The following ARMC2 variants were observed in gnomAD, a reference collection of about 807,000 sequenced individuals.
The protein encoded by ARMC2 is armadillo repeat-containing protein 2.
ARMC2 carries 67 observed loss-of-function variants against 90.3 expected under a neutral mutation model. The ratio of observed to expected loss-of-function variants is 0.74; its 90% CI spans 0.61 to 0.91. The LOEUF is 0.91. Ranked by LOEUF, ARMC2 falls within the 40% of genes least tolerant of loss-of-function variation. The pLI is 0.00. For synonymous variants in ARMC2, 393 were observed against 393.0 expected (o/e 1.00, Z 0.00); for missense variants, 920 against 1,030.9 (o/e 0.89, Z 1.47).
Position 108,912,281 on chromosome 6 carries a change from A to G in ARMC2, c.1127-54A>G, listed in dbSNP as rs1240490356. Reference sequence around the variant, plus strand: ...TGTTCACACACAAGTGCTTTAATATATTTCTCTCCAGCTGTTATACTCAGA... The same window carrying G: ...TGTTCACACACAAGTGCTTTAATATGTTTCTCTCCAGCTGTTATACTCAGA... On this transcript the variant is annotated intron_variant, in intron 9 of 17. Transcript: ENST00000392644. The G allele has an allele frequency of 1.2e-5, 15 of 1,303,276 alleles. No homozygotes were observed. In the East Asian group the frequency reaches 2.8e-4, roughly 24 times the overall value. The allele number at this position is 1,303,276 out of a possible 1,614,324, so 80.7% of individuals were successfully genotyped here.
At chr6:108,949,918 A>C (rs1402579572) in intron 12 of ARMC2, among the ~76,000 whole-genome samples, 1 of 152,158 alleles carries the variant, frequency 6.6e-6, no homozygotes, top group Non-Finnish European at 1.5e-5. Flanking sequence ...CTTCAAACTA[A>C]AAACAGGCCG....
chr6:108,908,079 C>G (rs958456023), intron 8 of ARMC2, among the ~76,000 whole-genome samples: 2 of 152,174 alleles, frequency 1.3e-5, no homozygotes, highest in African/African-American at 4.8e-5. Context: ...TCCCAGACTT[C>G]ACTGTGCACA....
intron 11 of ARMC2, among the ~76,000 whole-genome samples, chr6:108,932,299 T>C (rs1775620557): frequency 6.6e-6 from 1 of 151,840 alleles, no homozygotes; most frequent in East Asian, 1.9e-4. Flanking sequence ...GTCTTTGTCA[T>C]GAAATCTTTG....
chr6:108,905,555 A>G (rs1772600695), intron 8 of ARMC2, among the ~76,000 whole-genome samples: 1 of 151,998 alleles, frequency 6.6e-6, no homozygotes, highest in Non-Finnish European at 1.5e-5. Context: ...AAAAAAAGAA[A>G]GAAAGAGCAA....
At chr6:108,887,233 A>C (rs1393415340) in intron 5 of ARMC2, among the ~76,000 whole-genome samples, 1 of 152,070 alleles carries the variant, frequency 6.6e-6, no homozygotes, top group African/African-American at 2.4e-5. Flanking sequence ...ATTTTTAAAG[A>C]AATATACTTG....
At chr6:108,858,344 C>T (rs1239843721) in intron 3 of ARMC2, 73 bp downstream of exon 3, 2 of 1,125,928 alleles carry the variant, frequency 1.8e-6, no homozygotes, top group African/African-American at 1.5e-5. Flanking sequence ...CACTTGGAAT[C>T]AGTACTTATA....
At chr6:108,954,647 A>G (rs1372906423) in intron 13 of ARMC2, among the ~76,000 whole-genome samples, 1 of 152,154 alleles carries the variant, frequency 6.6e-6, no homozygotes, top group Non-Finnish European at 1.5e-5. Context: ...AGCTACTACT[A>G]ACCATACTTG....
chr6:108,978,612 A>G (rs1208413764), downstream of ARMC2, among the ~76,000 whole-genome samples: 3 of 152,168 alleles, frequency 2.0e-5, no homozygotes, highest in Non-Finnish European at 4.4e-5. Flanking sequence ...GTCTCTGACT[A>G]TTATAGTGTG....
At chr6:108,970,121 A>G (rs917564035) in intron 17 of ARMC2, among the ~76,000 whole-genome samples, 1 of 152,126 alleles carries the variant, frequency 6.6e-6, no homozygotes, top group Non-Finnish European at 1.5e-5. Flanking sequence ...AAAATTTAAT[A>G]CCCCATGTGA....
At chr6:108,946,234 G>C (rs1401538154) in intron 12 of ARMC2, among the ~76,000 whole-genome samples, 1 of 152,194 alleles carries the variant, frequency 6.6e-6, no homozygotes, top group Non-Finnish European at 1.5e-5. Context: ...TTCTAGCATT[G>C]GCCTGGTACT....
chr6:108,885,464 T>G (rs1340457485), intron 5 of ARMC2, among the ~76,000 whole-genome samples: 1 of 152,120 alleles, frequency 6.6e-6, no homozygotes, highest in African/African-American at 2.4e-5. Flanking sequence ...CTCAGCACTT[T>G]GGGAGGCCGA....
chr6:109,021,033 CT>C, the ARMC2 span, among the ~76,000 whole-genome samples: 1 of 152,140 alleles, frequency 6.6e-6, no homozygotes, highest in African/African-American at 2.4e-5. Context: ...GGATTTTGCT[CT>C]GTTACCCAGG....
At chr6:108,907,948 A>G in intron 8 of ARMC2, 1 of 1,255,604 alleles carries the variant, frequency 8.0e-7, no homozygotes, top group Non-Finnish European at 1.1e-6. Flanking sequence ...AAACAATATT[A>G]TTTTAAATAC....
intron 5 of ARMC2, among the ~76,000 whole-genome samples, chr6:108,879,429 A>G (rs1036273839): frequency 6.7e-6 from 1 of 149,310 alleles, no homozygotes; most frequent in African/African-American, 2.5e-5. Flanking sequence ...CCACCCATCC[A>G]CCTATCCATG....
At chr6:109,032,726 G>A in the ARMC2 span, among the ~76,000 whole-genome samples, 6 of 152,106 alleles carry the variant, frequency 3.9e-5, no homozygotes, top group South Asian at 1.2e-3. Flanking sequence ...CTCAGTGAAG[G>A]AGATATTCCA....
chr6:109,006,446 C>T, the ARMC2 span, among the ~76,000 whole-genome samples: 2 of 138,376 alleles, frequency 1.4e-5, no homozygotes, highest in East Asian at 2.6e-4. Context: ...TATCCCTCCC[C>T]CCACCCCCTA....
In ARMC2 at chr6:108,925,016, A is replaced by G. The variant is rs17070028; in HGVS notation, c.1351-3072A>G. ...AGAAATGAGATAGGCTAGAGAACAA[A>G]TACACAGAGGCTGGTCCCCTTCCAG... On this transcript the variant is annotated intron_variant, in intron 10 of 17. Coordinates refer to ENST00000392644, the MANE Select transcript of ARMC2 (RefSeq NM_032131.6). Among the ~76,000 whole-genome samples the G allele has an allele frequency of 3.9e-5, 6 of 152,268 alleles. No individual in the cohort carries two copies. In the East Asian group the frequency reaches 1.2e-3, roughly 29 times the overall value.
the ARMC2 span, chr6:109,009,576 A>T: frequency 9.1e-7 from 1 of 1,094,910 alleles, no homozygotes; most frequent in Non-Finnish European, 1.1e-6. Flanking sequence ...GGCGGCGCCG[A>T]CAAACAAGCC....
At chr6:108,947,826 T>C (rs1346869196) in intron 12 of ARMC2, among the ~76,000 whole-genome samples, 5 of 138,818 alleles carry the variant, frequency 3.6e-5, no homozygotes, top group Admixed American at 3.1e-4. Context: ...CTGCCTTCTT[T>C]AGGAAAAAAA....
Sources: allele counts gnomAD v4.1 joint callset (sites outside exome capture counted in the v4.1 genomes callset), GRCh38; gene constraint gnomAD v4.1.1; transcripts MANE v1.5; gene names NCBI Gene and HGNC (gene_info 2026-07-23, HGNC 2026-07-21).